The following ABCC8 variants were observed in gnomAD, a reference collection of about 807,000 sequenced individuals.
ABCC8 encodes the protein ATP-binding cassette sub-family C member 8.
ABCC8 carries 137 observed loss-of-function variants against 188.0 expected under a neutral mutation model. The ratio of observed to expected loss-of-function variants is 0.73; its 90% confidence interval spans 0.63 to 0.84. ABCC8 has a LOEUF of 0.84. Ranked by LOEUF, ABCC8 falls within the 40% of genes least tolerant of loss-of-function variation. The pLI is 0.00. For missense variants in ABCC8, 1,750 were observed against 2,072.7 expected, an observed-to-expected ratio of 0.84 and a Z score of 3.02; for synonymous variants, 797 against 846.5, an observed-to-expected ratio of 0.94 and a Z score of 1.01.
At chr11:17,432,153 C>T (rs565140667) in intron 11 of ABCC8, 51 bp downstream of exon 11, 52 of 1,550,310 alleles carry the variant, frequency 3.4e-5, no homozygotes, top group South Asian at 2.3e-4. Flanking sequence ...TCACTGCAGA[C>T]GCCCTCCCCC....
intron 29 of ABCC8, among the ~76,000 whole-genome samples, chr11:17,400,935 C>A (rs1214757129): frequency 6.6e-6 from 1 of 152,248 alleles, no homozygotes; most frequent in Non-Finnish European, 1.5e-5. Flanking sequence ...AAAGCCAATG[C>A]ATTAAATGTG....
chr11:17,466,080 T>C (rs1438870565), intron 3 of ABCC8, among the ~76,000 whole-genome samples: 1 of 152,112 alleles, frequency 6.6e-6, no homozygotes, highest in East Asian at 1.9e-4. Context: ...TTGAGGACAT[T>C]ATGCTCAGTG....
At chr11:17,463,992 G>A (rs75015742) in intron 3 of ABCC8, among the ~76,000 whole-genome samples, 2,755 of 152,226 alleles carry the variant, frequency 0.018, 96 homozygotes, top group African/African-American at 0.064. Flanking sequence ...GTACACTGCC[G>A]TCACCCCCAA....
chr11:17,408,278 G>T, intron 23 of ABCC8, 114 bp downstream of exon 23: 1 of 1,019,980 alleles, frequency 9.8e-7, no homozygotes, highest in Non-Finnish European at 1.5e-6. Context: ...TCCCACATCT[G>T]CCCTTTAGGG....
At chr11:17,450,685 C>CTTTTTTTTTTTT (rs71047553) in intron 7 of ABCC8, among the ~76,000 whole-genome samples, 8 of 76,728 alleles carry the variant, frequency 1.0e-4, no homozygotes, top group Non-Finnish European at 1.6e-4. Flanking sequence ...GCATGAGCCA[C>CTTTTTTTTTTTT]TTTTTTTTTT....
chr11:17,443,328 T>C lies in ABCC8; in HGVS notation c.1333-16A>G. On this transcript the variant is annotated splice_polypyrimidine_tract_variant and intron_variant, in intron 8 of 38. Transcript: ENST00000389817. ...CCACAATGATCTGAGGAAGGGGTCA[T>C]GGGTCAGGTCCCTTTGACCTGATGG... is the stretch of plus-strand genomic sequence containing the variant. 6.2e-7 allele frequency: 1 copy of C among 1,614,022 alleles called. No homozygotes were observed. The highest frequency in any genetic ancestry group is 8.5e-7 in the Non-Finnish European group (1 of 1,180,002).
chr11:17,399,893 C>G (rs1954148696), intron 29 of ABCC8, among the ~76,000 whole-genome samples: 2 of 152,344 alleles, frequency 1.3e-5, no homozygotes, highest in Non-Finnish European at 2.9e-5. Context: ...TGCGCATGGA[C>G]CTGCCTCCTT....
intron 14 of ABCC8, 145 bp downstream of exon 14, chr11:17,428,144 C>T: frequency 6.4e-7 from 1 of 1,553,200 alleles, no homozygotes; most frequent in Non-Finnish European, 8.7e-7. Context: ...CTTGGTGGTC[C>T]CTGGTTTCTG....
chr11:17,397,183 A>G lies in ABCC8; in HGVS notation c.3988+10T>C. On this transcript the variant is annotated intron_variant, in intron 32 of 38. Coordinates refer to ENST00000389817, the MANE Select transcript of ABCC8 (RefSeq NM_000352.6). The stretch of plus-strand genomic sequence containing the variant: ...GGACTCTTCCCCACCCCTCTCCCTG[A>G]GCCTCTCACCCAGGAGCCCCTCGTA... 1.2e-6 allele frequency: 2 copies of G among 1,613,408 alleles called. No homozygotes were observed. Among genetic ancestry groups the G allele is most frequent in the Non-Finnish European group, 1.7e-6 (2 of 1,179,972 alleles).
At position 17,407,429 on chromosome 11, in the gene ABCC8, T is replaced by A. The variant is rs1954597976; in HGVS notation, c.2845A>T (p.Thr949Ser). The A allele has an allele frequency of 6.2e-7, 1 of 1,614,010 alleles. No individual in the cohort carries two copies. Among genetic ancestry groups the A allele is most frequent in the African/African-American group, 1.3e-5 (1 of 74,902 alleles). ...CGAGATAGGCCCTGGGGTGGCTCTG[T>A]GGCTTTTCTCTCTGTGACAGTCTCC... ...EKETVTERKA[T>S]EPPQGLSRAM... Residue 949 changes from threonine to serine, a missense_variant, in exon 24 of 39, where the codon ACA becomes TCA. Thr to Ser is a moderately conservative substitution (Grantham distance 58). Transcript: ENST00000389817.
chr11:17,458,152 C>A (rs1957062871), intron 6 of ABCC8, among the ~76,000 whole-genome samples: 1 of 152,172 alleles, frequency 6.6e-6, no homozygotes, highest in Non-Finnish European at 1.5e-5. Context: ...ACTATATTTA[C>A]TTTCAACTCT....
chr11:17,393,354 T>A (rs1564870164), intron 38 of ABCC8: 4 of 685,246 alleles, frequency 5.8e-6, no homozygotes, highest in Non-Finnish European at 7.3e-6. Context: ...CTACCCCACC[T>A]CCAGGCTTCA....
intron 27 of ABCC8, among the ~76,000 whole-genome samples, chr11:17,405,070 C>T (rs1954450909): frequency 6.6e-6 from 1 of 152,206 alleles, no homozygotes; most frequent in Non-Finnish European, 1.5e-5. Flanking sequence ...CGGCCTTGCT[C>T]TCCCTTTATT....
intron 16 of ABCC8, among the ~76,000 whole-genome samples, chr11:17,426,391 G>A (rs1564921106): frequency 6.6e-6 from 1 of 152,212 alleles, no homozygotes; most frequent in Non-Finnish European, 1.5e-5. Flanking sequence ...ACGGGTGTGA[G>A]ATGGTATCTC....
chr11:17,418,983 A>G (rs1373840563), intron 16 of ABCC8, among the ~76,000 whole-genome samples: 1 of 152,090 alleles, frequency 6.6e-6, no homozygotes, highest in Non-Finnish European at 1.5e-5. Context: ...TCATCCTTAC[A>G]ACCCTATAAA....
At chr11:17,397,921 T>C (rs1954029234) in intron 30 of ABCC8, 124 bp from the exon 31 acceptor site, 2 of 1,516,854 alleles carry the variant, frequency 1.3e-6, no homozygotes, top group Non-Finnish European at 1.8e-6. Context: ...CTGCAACTCA[T>C]GCACACGTCA....
At chr11:17,415,479 T>A in intron 17 of ABCC8, 140 bp from the exon 18 acceptor site, 1 of 1,525,350 alleles carries the variant, frequency 6.6e-7, no homozygotes, top group Admixed American at 2.0e-5. Context: ...AAATGCTGCA[T>A]AGAGAGGTGT....
intron 7 of ABCC8, among the ~76,000 whole-genome samples, chr11:17,450,253 TTTCTTTCTC>T (rs1169266697): frequency 5.7e-5 from 3 of 52,638 alleles, no homozygotes; most frequent in Non-Finnish European, 1.2e-4. Flanking sequence ...TTTTTCTTTC[TTTCTTTCTC>T]TTTCTTTCTT....
chr11:17,404,837 C>T lies in ABCC8; in HGVS notation c.3400-168G>A, dbSNP rs183398532. ...AGTGCAGCAGCGTAATCTCGGTTCA[C>T]GGCAGCCTCTGCCCCTTGGGTTCAA... is the stretch of plus-strand genomic sequence containing the variant. On this transcript the variant is annotated intron_variant, in intron 27 of 38. Transcript: ENST00000389817. The surrounding 1 kb of genome is among the most constrained non-coding windows in gnomAD (Gnocchi z 4.7). The T allele has an allele frequency of 3.3e-5, 21 of 634,682 alleles. No individual in the cohort carries two copies. The East Asian group carries it at 6.9e-4, about 21-fold the overall frequency. The allele number at this position is 634,682 out of a possible 1,614,324, so 39.3% of individuals were successfully genotyped here.
Sources: allele counts gnomAD v4.1 joint callset (sites outside exome capture counted in the v4.1 genomes callset), GRCh38; gene constraint gnomAD v4.1.1; non-coding constraint Gnocchi (gnomAD v3.1); transcripts MANE v1.5; gene names NCBI Gene and HGNC (gene_info 2026-07-23, HGNC 2026-07-21).